Variants in RAB10 observed in about 807,000 individuals in gnomAD.
RAB10 encodes the protein RAB10, member RAS oncogene family.
In RAB10, 5 loss-of-function variants were observed where a neutral mutation model predicts 25.7. That is an observed-to-expected ratio of 0.19 (90% confidence interval 0.10 to 0.41). RAB10 has a LOEUF of 0.41. RAB10 is among the 10% of genes least tolerant of loss of function. The pLI is 1.00. For missense variants in RAB10, 103 were observed against 245.8 expected (o/e 0.42, Z 3.89); for synonymous variants, 89 against 86.4 (o/e 1.03, Z -0.16).
intron 1 of RAB10, among the ~76,000 whole-genome samples, chr2:26,038,952 T>A (rs1337128413): frequency 1.3e-5 from 2 of 149,516 alleles, no homozygotes; most frequent in Non-Finnish European, 3.0e-5. Context: ...AATCTACCAT[T>A]GCGTTTAACC....
intron 1 of RAB10, among the ~76,000 whole-genome samples, chr2:26,041,543 C>CAAAAAAAAAAAAAA (rs1230627488): frequency 2.5e-4 from 11 of 44,628 alleles, no homozygotes; most frequent in African/African-American, 8.5e-4. Context: ...GACGCTGACT[C>CAAAAAAAAAAAAAA]AAAAAAAAAA....
chr2:26,047,979 GCCTTGGCCTC>G (rs1047220021), intron 1 of RAB10, among the ~76,000 whole-genome samples: 1 of 151,206 alleles, frequency 6.6e-6, no homozygotes, highest in Non-Finnish European at 1.5e-5. Context: ...GCCGGCCTCG[GCCTTGGCCTC>G]CCAAAGTGTT....
intron 2 of RAB10, among the ~76,000 whole-genome samples, chr2:26,103,401 A>G (rs1667385390): frequency 6.6e-6 from 1 of 152,214 alleles, no homozygotes; most frequent in Non-Finnish European, 1.5e-5. Flanking sequence ...GTTTCTAGTG[A>G]TTGGGGAAAA....
chr2:26,094,868 A>G (rs1304518469), intron 1 of RAB10, among the ~76,000 whole-genome samples: 1 of 152,204 alleles, frequency 6.6e-6, no homozygotes, highest in African/African-American at 2.4e-5. Flanking sequence ...CCCACTTAGT[A>G]ATTTTAATCA....
chr2:26,043,297 C>T (rs1228846383), intron 1 of RAB10, among the ~76,000 whole-genome samples: 1 of 152,126 alleles, frequency 6.6e-6, no homozygotes, highest in Non-Finnish European at 1.5e-5. Context: ...TGGCGCATGC[C>T]TGTAGTACCA....
chr2:26,083,398 T>G (rs1574543388), intron 1 of RAB10, among the ~76,000 whole-genome samples: 1 of 118,340 alleles, frequency 8.5e-6, no homozygotes. Flanking sequence ...TTCTCTCCCC[T>G]CCCCTCCCTT....
At chr2:26,046,352 T>C (rs1224879446) in intron 1 of RAB10, among the ~76,000 whole-genome samples, 7 of 151,606 alleles carry the variant, frequency 4.6e-5, no homozygotes, top group Admixed American at 4.6e-4. Flanking sequence ...GAAAAGGAAT[T>C]TGAAAAGTTG....
At chr2:26,114,184 A>C (rs1667635833) in intron 3 of RAB10, among the ~76,000 whole-genome samples, 1 of 152,208 alleles carries the variant, frequency 6.6e-6, no homozygotes, top group Non-Finnish European at 1.5e-5. Context: ...TGCAATCCCT[A>C]TCAAAATCCC....
intron 1 of RAB10, among the ~76,000 whole-genome samples, chr2:26,060,236 A>T (rs1247405052): frequency 6.6e-6 from 1 of 152,110 alleles, no homozygotes; most frequent in Non-Finnish European, 1.5e-5. Context: ...AAGTGCTTTT[A>T]TATCTATTAC....
intron 2 of RAB10, chr2:26,101,285 TTAATTCACTATATTTTTCTTG>T (rs1667332416): frequency 6.6e-6 from 1 of 152,212 alleles, no homozygotes; most frequent in Non-Finnish European, 1.5e-5. Flanking sequence ...AGAGTCCTAG[TTAATTCACTATATTTTTCTTG>T]TATAAAAGCA....
intron 1 of RAB10, among the ~76,000 whole-genome samples, chr2:26,043,983 G>C (rs1375367981): frequency 1.3e-5 from 2 of 152,170 alleles, no homozygotes; most frequent in African/African-American, 2.4e-5. Flanking sequence ...ATTACCAGGG[G>C]CTGGGGAAGA....
At chr2:26,134,073 T>A (rs908318911) in intron 5 of RAB10, among the ~76,000 whole-genome samples, 11 of 152,176 alleles carry the variant, frequency 7.2e-5, no homozygotes, top group Admixed American at 5.9e-4. Context: ...GGGTTGCTAC[T>A]GTTAGTATTT....
rs6727699 is a variant in RAB10, at chr2:26,083,220, G to A, written c.128-15442G>A. ...GAGAAATAAGTCAGAAGATGTAAACGTGCCTTTATTTAGACTGTGTTGTTA... is the reference window on the plus strand; with the variant it reads ...GAGAAATAAGTCAGAAGATGTAAACATGCCTTTATTTAGACTGTGTTGTTA... On this transcript the variant is annotated intron_variant, in intron 1 of 5. Transcript: ENST00000264710. Among the ~76,000 whole-genome samples the A allele has an allele frequency of 5.8e-3, 875 of 152,162 alleles. 10 individuals carry two copies. The highest frequency in any genetic ancestry group is 0.019 in the African/African-American group (782 of 41,516).
At chr2:26,111,106 T>C (rs1199772417) in intron 3 of RAB10, among the ~76,000 whole-genome samples, 1 of 152,196 alleles carries the variant, frequency 6.6e-6, no homozygotes, top group Non-Finnish European at 1.5e-5. Flanking sequence ...TCATGCCTTA[T>C]TGCTACCTTC....
At chr2:26,101,048 A>G (rs1574552304) in intron 2 of RAB10, among the ~76,000 whole-genome samples, 1 of 152,204 alleles carries the variant, frequency 6.6e-6, no homozygotes, top group East Asian at 1.9e-4. Flanking sequence ...TCCTCTCTAT[A>G]GAGGTGATGT....
intron 5 of RAB10, among the ~76,000 whole-genome samples, chr2:26,134,371 C>T (rs759661025): frequency 3.3e-4 from 50 of 152,298 alleles, no homozygotes; most frequent in Non-Finnish European, 6.5e-4. Context: ...CTCACCTTGG[C>T]CTCTGAAAGT....
chr2:26,111,448 T>G (rs1329077514), intron 3 of RAB10, among the ~76,000 whole-genome samples: 1 of 151,886 alleles, frequency 6.6e-6, no homozygotes, highest in African/African-American at 2.4e-5. Context: ...CTACTAAAAA[T>G]ACAAACTTAG....
intron 1 of RAB10, among the ~76,000 whole-genome samples, chr2:26,095,712 C>T (rs770201108): frequency 1.3e-5 from 2 of 151,746 alleles, no homozygotes; most frequent in African/African-American, 2.4e-5. Flanking sequence ...GGAGTTGGAG[C>T]ACCAGCCTGG....
At chr2:26,116,705 C>T (rs766306681) in intron 3 of RAB10, among the ~76,000 whole-genome samples, 10 of 151,660 alleles carry the variant, frequency 6.6e-5, no homozygotes, top group Non-Finnish European at 1.2e-4. Flanking sequence ...TACAGGCACC[C>T]GCCACCGCAC....
Sources: allele counts gnomAD v4.1 joint callset (sites outside exome capture counted in the v4.1 genomes callset), GRCh38; gene constraint gnomAD v4.1.1; transcripts MANE v1.5; gene names NCBI Gene and HGNC (gene_info 2026-07-23, HGNC 2026-07-21).